Variants in CELF2 observed in about 807,000 individuals in gnomAD.
CELF2 encodes CUG triplet repeat RNA-binding protein 2.
In CELF2, 8 loss-of-function variants were observed where a neutral mutation model predicts 62.6. That is an observed-to-expected ratio of 0.13 (90% CI 0.07 to 0.23). CELF2 has a LOEUF of 0.23. CELF2 is among the 10% of genes least tolerant of loss of function. The probability of loss-of-function intolerance (pLI) is 1.00; values close to 1 mark genes in which losing one functional copy is unlikely to be tolerated. For missense variants in CELF2, 333 were observed against 671.0 expected (o/e 0.50, Z 5.56); for synonymous variants, 258 against 250.0 (o/e 1.03, Z -0.30).
In CELF2 at chr10:11,246,129, G is replaced by A. The variant is rs1565525587; in HGVS notation, c.355-3024G>A. ...ATCCACGCATTTCACAGATGCATCT[G>A]AATGCTCACAGTGCTCTATTTGTGC... On this transcript the variant is annotated intron_variant, in intron 3 of 12. Coordinates refer to ENST00000633077, the MANE Select transcript of CELF2 (RefSeq NM_001326342.2). The surrounding 1 kb of genome is among the most constrained non-coding windows in gnomAD (Gnocchi z 4.6). Among the ~76,000 whole-genome samples, 1 of 152,098 alleles carries A rather than the reference G, an allele frequency of 6.6e-6. No individual in the cohort carries two copies. The highest frequency in any genetic ancestry group is 1.9e-4 in the East Asian group (1 of 5,180).
chr10:11,003,436 C>T (rs992070565), upstream of CELF2, among the ~76,000 whole-genome samples: 6 of 152,272 alleles, frequency 3.9e-5, no homozygotes, highest in Non-Finnish European at 8.8e-5. This position sits in a 1 kb window ranked among gnomAD's most constrained non-coding sequence, Gnocchi z 4.4. Flanking sequence ...GCTTTGTGTC[C>T]GAGCAGCGTA....
chr10:10,517,941 C>T, the CELF2 span, among the ~76,000 whole-genome samples: 2 of 152,162 alleles, frequency 1.3e-5, no homozygotes, highest in Non-Finnish European at 2.9e-5. Flanking sequence ...CTGGGGCTTG[C>T]CAGTTTCTTA....
the CELF2 span, among the ~76,000 whole-genome samples, chr10:10,537,845 C>A: frequency 2.0e-5 from 3 of 152,188 alleles, no homozygotes; most frequent in African/African-American, 7.2e-5. Context: ...GCATAATCGA[C>A]CCAGGGAAAA....
the CELF2 span, among the ~76,000 whole-genome samples, chr10:10,498,444 A>T: frequency 6.6e-6 from 1 of 152,216 alleles, no homozygotes; most frequent in African/African-American, 2.4e-5. Flanking sequence ...AGAGACAGCA[A>T]TTTGAGCTTG....
intron 1 of CELF2, chr10:11,030,696 G>T (rs1350483769): frequency 1.3e-5 from 2 of 152,274 alleles, no homozygotes; most frequent in African/African-American, 2.4e-5. Context: ...TTCTGGATAG[G>T]TGGGCATATT....
rs1565652140 is a variant in CELF2, at chr10:11,267,682, GTTTGTTTGTT to G, written c.618+1019_618+1028del. Among the ~76,000 whole-genome samples, 3 of 151,886 alleles carry G rather than the reference GTTTGTTTGTT, an allele frequency of 2.0e-5. No homozygotes were observed. Among genetic ancestry groups the G allele is most frequent in the East Asian group, 3.9e-4 (2 of 5,186 alleles). ...CATTTTGTTGGGGTTTTATTTTTTT[GTTTGTTTGTT>G]TTTGTTTGTTTTTTGCAATGCTGCA... On this transcript the variant is annotated intron_variant, in intron 6 of 12. Transcript: ENST00000633077. The surrounding 1 kb of genome is among the most constrained non-coding windows in gnomAD (Gnocchi z 4.4).
intron 1 of CELF2, among the ~76,000 whole-genome samples, chr10:11,124,798 G>A (rs2058385343): frequency 6.6e-6 from 1 of 152,142 alleles, no homozygotes; most frequent in African/African-American, 2.4e-5. Flanking sequence ...AATACCTTTG[G>A]TACATATTCA....
At chr10:11,131,614 G>A (rs969162066) in intron 1 of CELF2, among the ~76,000 whole-genome samples, 2 of 152,176 alleles carry the variant, frequency 1.3e-5, no homozygotes, top group African/African-American at 2.4e-5. Flanking sequence ...TATGTGCTAC[G>A]TTAGTATGGA....
intron 2 of CELF2, among the ~76,000 whole-genome samples, chr10:10,943,258 A>G (rs904614564): frequency 1.3e-5 from 2 of 152,216 alleles, no homozygotes; most frequent in Non-Finnish European, 2.9e-5. Flanking sequence ...GCAGCCAGCA[A>G]TGAAACCTAG....
At chr10:10,583,481 C>T in the CELF2 span, among the ~76,000 whole-genome samples, 1 of 152,102 alleles carries the variant, frequency 6.6e-6, no homozygotes, top group African/African-American at 2.4e-5. Context: ...GCTTCAAAAC[C>T]ATTTTAATGC....
At chr10:11,068,732 T>A (rs2068843373) in intron 1 of CELF2, among the ~76,000 whole-genome samples, 1 of 152,092 alleles carries the variant, frequency 6.6e-6, no homozygotes, top group Non-Finnish European at 1.5e-5. Context: ...AGCTAATTTT[T>A]TGTATTTTTA....
At chr10:10,793,486 G>T (rs1025315776), upstream of CELF2, among the ~76,000 whole-genome samples, 2 of 152,090 alleles carry the variant, frequency 1.3e-5, no homozygotes, top group African/African-American at 2.4e-5. Context: ...AAACATAGCC[G>T]CTACATTAAC....
intron 8 of CELF2, among the ~76,000 whole-genome samples, chr10:11,282,416 C>T (rs899405795): frequency 1.3e-5 from 2 of 152,182 alleles, no homozygotes; most frequent in African/African-American, 4.8e-5. Context: ...CCCGTTTCCT[C>T]TGTAACATGT....
intron 3 of CELF2, among the ~76,000 whole-genome samples, 171 bp from the exon 4 acceptor site, chr10:11,248,982 C>T (rs2076380913): frequency 6.6e-6 from 1 of 152,194 alleles, no homozygotes; most frequent in Admixed American, 6.5e-5. Context: ...GGTTTGATTC[C>T]CGAACAGAAA....
At chr10:11,093,444 A>C (rs759888923) in intron 1 of CELF2, among the ~76,000 whole-genome samples, 1 of 152,176 alleles carries the variant, frequency 6.6e-6, no homozygotes, top group Non-Finnish European at 1.5e-5. Context: ...GTGGCATGCA[A>C]ACTAGGGATG....
At chr10:11,245,974 T>A (rs1290212198) in intron 3 of CELF2, among the ~76,000 whole-genome samples, 3 of 152,188 alleles carry the variant, frequency 2.0e-5, no homozygotes, top group Non-Finnish European at 1.5e-5. Context: ...TAATCACCTG[T>A]GTCTATGCAG....
At chr10:10,672,806 G>T in the CELF2 span, among the ~76,000 whole-genome samples, 2 of 151,924 alleles carry the variant, frequency 1.3e-5, no homozygotes, top group Admixed American at 6.6e-5. Flanking sequence ...ATAAATTTTA[G>T]AATCAGTTTG....
rs536724017 is a variant in CELF2, at chr10:11,086,616, G to A, written c.74+68453G>A. On this transcript the variant is annotated intron_variant, in intron 1 of 12. Transcript: ENST00000633077. ...AAAAAAAAAAAAAAAAAAAACTCCC[G>A]ACAGCACCAGCAACACAACAGGAGA... 5.3e-5 allele frequency among the ~76,000 whole-genome samples: 4 copies of A among 76,152 alleles called. No individual in the cohort carries two copies. In the South Asian group the frequency reaches 1.8e-3, roughly 34 times the overall value. The allele number at this position is 76,152 out of a possible 152,430, so 50.0% of individuals were successfully genotyped here. A position where few individuals can be genotyped will look rare whatever the true frequency, so the allele number is the denominator to read the frequency against.
At chr10:10,950,955 G>T (rs889637367) in intron 2 of CELF2, among the ~76,000 whole-genome samples, 1 of 152,220 alleles carries the variant, frequency 6.6e-6, no homozygotes, top group Non-Finnish European at 1.5e-5. Context: ...GCATTGTGGT[G>T]TGTGTATGTT....
Sources: allele counts gnomAD v4.1 joint callset (sites outside exome capture counted in the v4.1 genomes callset), GRCh38; gene constraint gnomAD v4.1.1; non-coding constraint Gnocchi (gnomAD v3.1); transcripts MANE v1.5; gene names NCBI Gene and HGNC (gene_info 2026-07-23, HGNC 2026-07-21).